Variants in CFTR observed in about 807,000 individuals in gnomAD.
CFTR encodes the protein cystic fibrosis transmembrane conductance regulator.
CFTR carries 181 observed loss-of-function variants against 171.6 expected under a neutral mutation model. The ratio of observed to expected loss-of-function variants is 1.05; its 90% confidence interval spans 0.93 to 1.19. The LOEUF (loss-of-function observed/expected upper bound fraction) is 1.19. CFTR is among the 50% of genes most tolerant of loss of function. The pLI, the probability that CFTR is intolerant of heterozygous loss-of-function variation, is 0.00. For missense variants in CFTR, 1,968 were observed against 1,734.7 expected (o/e 1.13, Z -2.39); for synonymous variants, 583 against 608.0 (o/e 0.96, Z 0.60).
intron 1 of CFTR, among the ~76,000 whole-genome samples, chr7:117,486,860 A>G (rs1453900532): frequency 6.8e-5 from 1 of 14,786 alleles, no homozygotes; most frequent in Admixed American, 8.9e-4. Context: ...AAGAGTGGCC[A>G]TGGTGGAGGT....
intron 7 of CFTR, among the ~76,000 whole-genome samples, chr7:117,538,718 A>C (rs1201217775): frequency 3.3e-5 from 5 of 149,258 alleles, no homozygotes; most frequent in Non-Finnish European, 5.9e-5. Context: ...AGATTCTGTA[A>C]AGTTAGAGGG....
intron 9 of CFTR, among the ~76,000 whole-genome samples, chr7:117,548,357 T>G (rs1016196086): frequency 6.6e-6 from 1 of 151,810 alleles, no homozygotes; most frequent in Non-Finnish European, 1.5e-5. Context: ...TGTGTGTGTG[T>G]GTGTGTGTAT....
rs1792048735 is a variant in CFTR, at chr7:117,592,563, A to G, written c.2396A>G (p.Gln799Arg). 3 of 1,521,510 alleles carry G rather than the reference A, an allele frequency of 2.0e-6. No individual in the cohort carries two copies. The highest frequency in any genetic ancestry group is 2.7e-5 in the South Asian group (2 of 74,100). The allele number at this position is 1,521,510 out of a possible 1,614,324, so 94.3% of individuals were successfully genotyped here. Residue 799 changes from glutamine to arginine, a missense_variant, in exon 14 of 27, where the codon CAG becomes CGG. By Grantham distance (43) the Gln-to-Arg change is conservative. Coordinates refer to ENST00000003084, the MANE Select transcript of CFTR (RefSeq NM_000492.4). ...ASTRKVSLAP[Q>R]ANLTELDIYS... ...ACACGAAAAGTGTCACTGGCCCCTCAGGCAAACTTGACTGAACTGGATATA... is the reference window on the plus strand; with the variant it reads ...ACACGAAAAGTGTCACTGGCCCCTCGGGCAAACTTGACTGAACTGGATATA...
intron 4 of CFTR, among the ~76,000 whole-genome samples, chr7:117,533,684 T>A (rs1018688998): frequency 6.6e-6 from 1 of 152,154 alleles, no homozygotes; most frequent in Non-Finnish European, 1.5e-5. Context: ...CTTTATAATT[T>A]TAATTAAGTA....
At chr7:117,643,376 G>T (rs1482351132) in intron 23 of CFTR, among the ~76,000 whole-genome samples, 1 of 151,958 alleles carries the variant, frequency 6.6e-6, no homozygotes, top group African/African-American at 2.4e-5. Flanking sequence ...CATAGTTCTT[G>T]CTAATACTAC....
At chr7:117,575,857 A>G (rs1350278722) in intron 11 of CFTR, among the ~76,000 whole-genome samples, 1 of 152,072 alleles carries the variant, frequency 6.6e-6, no homozygotes, top group East Asian at 1.9e-4. Context: ...GGACTAACAC[A>G]GTTCTATACA....
In CFTR at chr7:117,667,110, G is replaced by A. The variant is rs150914702; in HGVS notation, c.*2G>A. The A allele has an allele frequency of 1.1e-4, 182 of 1,613,544 alleles. No individual in the cohort carries two copies. The African/African-American group carries it at 2.1e-3, about 18-fold the overall frequency. ...GAGGTGCAAGATACAAGGCTTTAGAGAGCAGCATAAATGTTGACATGGGAC... is the reference window on the plus strand; with the variant it reads ...GAGGTGCAAGATACAAGGCTTTAGAAAGCAGCATAAATGTTGACATGGGAC... On this transcript the variant is annotated 3_prime_UTR_variant, in exon 27 of 27. Coordinates refer to ENST00000003084, the MANE Select transcript of CFTR (RefSeq NM_000492.4).
chr7:117,659,323 C>T (rs1793228778), intron 24 of CFTR, among the ~76,000 whole-genome samples: 3 of 152,166 alleles, frequency 2.0e-5, no homozygotes, highest in African/African-American at 7.2e-5. Context: ...TTTAACTTGT[C>T]CATGTCCCCC....
At position 117,480,148 on chromosome 7, in the gene CFTR, G is replaced by T. The variant is rs397508746; in HGVS notation, c.53+1G>T. 2.5e-6 allele frequency: 4 copies of T among 1,613,856 alleles called. No individual in the cohort carries two copies. The South Asian group carries it at 3.3e-5, about 13-fold the overall frequency. On this transcript the variant is annotated splice_donor_variant, in intron 1 of 26. Coordinates refer to ENST00000003084, the MANE Select transcript of CFTR (RefSeq NM_000492.4). LOFTEE classifies it high-confidence loss of function. ...GCGTTGTCTCCAAACTTTTTTTCAG[G>T]TGAGAAGGTGGCCAACCGAGCTTCG...
In CFTR at chr7:117,511,166, T is replaced by C. The variant is rs143708533; in HGVS notation, c.273+2024T>C. Among the ~76,000 whole-genome samples, 273 of 152,258 alleles carry C rather than the reference T, an allele frequency of 1.8e-3. 1 individual carries two copies. The highest frequency in any genetic ancestry group is 6.4e-3 in the African/African-American group (264 of 41,546). ...CTCAGGAGACACAGGCTACAGAGCT[T>C]GAAGGCTGAGGATTCTTCCAGGGTC... On this transcript the variant is annotated intron_variant, in intron 3 of 26. Coordinates refer to ENST00000003084, the MANE Select transcript of CFTR (RefSeq NM_000492.4).
chr7:117,624,822 C>T (rs989092792), intron 21 of CFTR, among the ~76,000 whole-genome samples: 3 of 152,116 alleles, frequency 2.0e-5, no homozygotes, highest in Non-Finnish European at 2.9e-5. Context: ...GGCCAATATT[C>T]ACATGGCTCA....
chr7:117,612,066 T>C (rs985779414), intron 20 of CFTR, among the ~76,000 whole-genome samples: 42 of 136,096 alleles, frequency 3.1e-4, no homozygotes, highest in African/African-American at 1.1e-3. Context: ...TATATATATA[T>C]AGTATTATCC....
Position 117,661,846 on chromosome 7 carries a change from A to G in CFTR, c.3964-2842A>G, listed in dbSNP as rs556358519. Among the ~76,000 whole-genome samples, 85 of 152,210 alleles carry G rather than the reference A, an allele frequency of 5.6e-4. No individual in the cohort carries two copies. In the Middle Eastern group the frequency reaches 0.031, roughly 55 times the overall value. ...TATTATTTTCTCCATTTTTTTACAT[A>G]TGAGATAAATGAGACTTAAAATAAT... On this transcript the variant is annotated intron_variant, in intron 24 of 26. Coordinates refer to ENST00000003084, the MANE Select transcript of CFTR (RefSeq NM_000492.4).
chr7:117,536,512 TTAGA>T lies in CFTR; in HGVS notation c.744-34_744-31del, dbSNP rs768226435. On this transcript the variant is annotated intron_variant, in intron 6 of 26. Coordinates refer to ENST00000003084, the MANE Select transcript of CFTR (RefSeq NM_000492.4). ...TAGATAATTTGACTTGTTTTTACTA[TTAGA>T]TTGATTGATTGATTGATTGATTGAT... The T allele has an allele frequency of 4.8e-5, 74 of 1,536,748 alleles. No homozygotes were observed. In the Admixed American group the frequency reaches 5.2e-4, roughly 11 times the overall value.
intron 10 of CFTR, among the ~76,000 whole-genome samples, chr7:117,558,459 CAGG>C (rs957038634): frequency 1.2e-4 from 18 of 152,018 alleles, no homozygotes; most frequent in African/African-American, 4.3e-4. Context: ...GAGGCTGAGG[CAGG>C]AGAATGGCGT....
At chr7:117,498,038 A>G (rs546803916) in intron 1 of CFTR, among the ~76,000 whole-genome samples, 2 of 152,238 alleles carry the variant, frequency 1.3e-5, no homozygotes, top group South Asian at 4.1e-4. Context: ...TCAATTTTCT[A>G]TTTAATGTTT....
chr7:117,594,784 A>C (rs1227855502), intron 14 of CFTR, 146 bp from the exon 15 acceptor site: 1 of 705,118 alleles, frequency 1.4e-6, no homozygotes, highest in Non-Finnish European at 2.4e-6. Context: ...GACATCATAC[A>C]TGGCATTTAT....
chr7:117,625,482 A>G (rs551493716), intron 21 of CFTR, among the ~76,000 whole-genome samples: 3 of 152,316 alleles, frequency 2.0e-5, no homozygotes, highest in African/African-American at 7.2e-5. Flanking sequence ...ATTTTCTAAT[A>G]CTACTATGTG....
chr7:117,549,066 A>G (rs898836692), intron 10 of CFTR, among the ~76,000 whole-genome samples: 3 of 152,258 alleles, frequency 2.0e-5, no homozygotes, highest in Non-Finnish European at 4.4e-5. Flanking sequence ...ACCACATTCA[A>G]CACTGTATCT....
Sources: allele counts gnomAD v4.1 joint callset (sites outside exome capture counted in the v4.1 genomes callset), GRCh38; gene constraint gnomAD v4.1.1; transcripts MANE v1.5; gene names NCBI Gene and HGNC (gene_info 2026-07-23, HGNC 2026-07-21).